The following FAT3 variants were observed in gnomAD, a reference collection of about 807,000 sequenced individuals.
The protein encoded by FAT3 is FAT atypical cadherin 3.
Under a neutral mutation model 310.2 loss-of-function variants are expected in FAT3, and 95 were observed. The ratio of observed to expected loss-of-function variants is 0.31; its 90% CI spans 0.26 to 0.36. FAT3 has a LOEUF of 0.36. Ranked by LOEUF, FAT3 falls within the 10% of genes least tolerant of loss-of-function variation. The pLI is 1.00. For missense variants in FAT3, 5,408 were observed against 5,715.6 expected (o/e 0.95, Z 1.74); for synonymous variants, 2,314 against 2,192.9 (o/e 1.06, Z -1.54).
intron 19 of FAT3, among the ~76,000 whole-genome samples, chr11:92,848,563 C>T (rs910075573): frequency 6.6e-6 from 1 of 152,212 alleles, no homozygotes; most frequent in African/African-American, 2.4e-5. Context: ...TCAAAAAGGA[C>T]ACACTTGTCC....
chr11:92,752,013 A>G (rs763120281), intron 4 of FAT3, among the ~76,000 whole-genome samples: 3 of 152,088 alleles, frequency 2.0e-5, no homozygotes, highest in Non-Finnish European at 4.4e-5. Flanking sequence ...CAGGCGTGCA[A>G]TAAGTGCTAT....
chr11:92,338,569 G>C (rs567208629), intron 1 of FAT3, among the ~76,000 whole-genome samples: 1 of 152,112 alleles, frequency 6.6e-6, no homozygotes, highest in South Asian at 2.1e-4. Context: ...TCGAAGGCCT[G>C]GGAGGCTGTG....
chr11:92,328,609 G>A (rs780102998), intron 1 of FAT3, among the ~76,000 whole-genome samples: 3 of 152,138 alleles, frequency 2.0e-5, no homozygotes, highest in Non-Finnish European at 4.4e-5. Flanking sequence ...CCAATGCTCT[G>A]GCTTCTGTAA....
intron 20 of FAT3, among the ~76,000 whole-genome samples, chr11:92,858,692 A>T (rs1048789554): frequency 6.6e-6 from 1 of 152,222 alleles, no homozygotes; most frequent in African/African-American, 2.4e-5. Context: ...AGTACAAATG[A>T]CATACATTAG....
chr11:92,849,326 C>T (rs1591812183), intron 19 of FAT3, among the ~76,000 whole-genome samples: 2 of 152,166 alleles, frequency 1.3e-5, no homozygotes, highest in Admixed American at 1.3e-4. Flanking sequence ...TTCTATATTC[C>T]TGGCATAGTA....
intron 18 of FAT3, among the ~76,000 whole-genome samples, chr11:92,842,689 T>C (rs1277062010): frequency 2.6e-5 from 4 of 152,084 alleles, no homozygotes; most frequent in Non-Finnish European, 5.9e-5. Context: ...CTTGGCAACA[T>C]AGTGAGGCCT....
chr11:92,276,910 C>T (rs867975034), intron 1 of FAT3, among the ~76,000 whole-genome samples: 1 of 152,140 alleles, frequency 6.6e-6, no homozygotes, highest in African/African-American at 2.4e-5. Flanking sequence ...ACTTTCTTAA[C>T]TAACCCATTT....
chr11:92,489,809 T>G (rs1396684128), intron 2 of FAT3, among the ~76,000 whole-genome samples: 1 of 152,044 alleles, frequency 6.6e-6, no homozygotes, highest in African/African-American at 2.4e-5. Flanking sequence ...CACAGCTCTC[T>G]GCAGAAGGCT....
intron 2 of FAT3, among the ~76,000 whole-genome samples, chr11:92,403,974 T>C (rs1429678610): frequency 6.6e-6 from 1 of 151,766 alleles, no homozygotes; most frequent in Non-Finnish European, 1.5e-5. Context: ...AGGCGGAGGT[T>C]GCATGAGCCA....
intron 2 of FAT3, among the ~76,000 whole-genome samples, chr11:92,504,186 T>TGA (rs1426834699): frequency 6.6e-6 from 1 of 152,142 alleles, no homozygotes; most frequent in African/African-American, 2.4e-5. Flanking sequence ...AAACACAATG[T>TGA]GAGAGCCAGA....
intron 2 of FAT3, among the ~76,000 whole-genome samples, chr11:92,495,033 G>C: frequency 6.6e-6 from 1 of 152,060 alleles, no homozygotes; most frequent in Non-Finnish European, 1.5e-5. Context: ...ATTTGCAATA[G>C]AAAGAAAATC....
At chr11:92,378,382 T>G (rs976978019) in intron 2 of FAT3, among the ~76,000 whole-genome samples, 1 of 152,212 alleles carries the variant, frequency 6.6e-6, no homozygotes, top group Non-Finnish European at 1.5e-5. Flanking sequence ...CTTTCTTCTA[T>G]TTTTCATTAA....
In FAT3 at chr11:92,354,348, C is replaced by T. The variant is rs1046874337; in HGVS notation, c.2236C>T (p.Leu746=). The change falls in exon 2 of 28, where the codon CTG becomes TTG. Residue 746 remains leucine (L), a synonymous_variant. Transcript: ENST00000525166. ...KEDLPVGANI[L]KIKAYDADSG... is the part of the protein sequence containing the mutation. The stretch of plus-strand genomic sequence containing the variant: ...GGATCTGCCAGTTGGTGCTAACATT[C>T]TGAAGATTAAAGCCTATGATGCCGA... 2.5e-6 allele frequency: 4 copies of T among 1,613,848 alleles called. No homozygotes were observed. The highest frequency in any genetic ancestry group is 3.3e-5 in the Admixed American group (2 of 59,990).
chr11:92,347,011 T>C (rs572236365), intron 1 of FAT3, among the ~76,000 whole-genome samples: 7 of 152,226 alleles, frequency 4.6e-5, no homozygotes, highest in Non-Finnish European at 7.3e-5. Flanking sequence ...TGAAGTGTTT[T>C]AAGTATTTTC....
chr11:92,585,404 A>G (rs1356082618), intron 3 of FAT3, among the ~76,000 whole-genome samples: 2 of 152,080 alleles, frequency 1.3e-5, no homozygotes, highest in Non-Finnish European at 2.9e-5. Flanking sequence ...AAATATTCCT[A>G]AAAAGCCAAA....
rs1947270510 is a variant in FAT3, at chr11:92,799,508, A to G, written c.6495A>G (p.Lys2165=). The change falls in exon 10 of 28, where the codon AAA becomes AAG. Residue 2165 remains lysine, a synonymous_variant. Transcript: ENST00000525166. ...CCATCCTAGCCAAGGATGGCGGAAA[A>G]CCTTCTTTGTCTACATCTGTGGAGC... is the stretch of plus-strand genomic sequence containing the variant. ...GVTILAKDGG[K]PSLSTSVELP... is the part of the protein sequence containing the mutation. The G allele has an allele frequency of 1.2e-6, 2 of 1,613,352 alleles. No individual in the cohort carries two copies. The highest frequency in any genetic ancestry group is 8.5e-7 in the Non-Finnish European group (1 of 1,179,754).
chr11:92,655,219 G>T (rs527377525), intron 3 of FAT3, among the ~76,000 whole-genome samples: 1 of 152,278 alleles, frequency 6.6e-6, no homozygotes, highest in South Asian at 2.1e-4. Context: ...ATGAATGAAT[G>T]AATGAATGAA....
At chr11:92,400,893 C>T (rs1949999156) in intron 2 of FAT3, among the ~76,000 whole-genome samples, 1 of 152,016 alleles carries the variant, frequency 6.6e-6, no homozygotes. Context: ...TAAAAACAAT[C>T]TGCTGGTAAT....
chr11:92,488,101 G>A (rs990495173), intron 2 of FAT3, among the ~76,000 whole-genome samples: 8 of 152,174 alleles, frequency 5.3e-5, no homozygotes, highest in Non-Finnish European at 8.8e-5. Context: ...TTTGCTGGAT[G>A]GATGGAGTAA....
Sources: allele counts gnomAD v4.1 joint callset (sites outside exome capture counted in the v4.1 genomes callset), GRCh38; gene constraint gnomAD v4.1.1; transcripts MANE v1.5; gene names NCBI Gene and HGNC (gene_info 2026-07-23, HGNC 2026-07-21).